The following CAPN1 variants were observed in gnomAD, a reference collection of about 807,000 sequenced individuals.
The protein encoded by CAPN1 is calpain-1 catalytic subunit.
Under a neutral mutation model 105.2 loss-of-function variants are expected in CAPN1, and 77 were observed. The ratio of observed to expected loss-of-function variants is 0.73; its 90% CI spans 0.61 to 0.88. The LOEUF is 0.88. CAPN1 is among the 40% of genes least tolerant of loss of function. CAPN1 has a pLI of 0.00. For missense variants in CAPN1, 833 were observed against 976.6 expected (o/e 0.85, Z 1.96); for synonymous variants, 355 against 388.8 (o/e 0.91, Z 1.02).
At chr11:65,193,501 C>T (rs766890870) in intron 10 of CAPN1, among the ~76,000 whole-genome samples, 8 of 151,240 alleles carry the variant, frequency 5.3e-5, no homozygotes, top group East Asian at 3.9e-4. Flanking sequence ...AAAAATTAGC[C>T]GGGCGTAGTG....
chr11:65,194,264 C>T (rs1015665621), intron 10 of CAPN1, among the ~76,000 whole-genome samples: 2 of 152,070 alleles, frequency 1.3e-5, no homozygotes, highest in African/African-American at 2.4e-5. Context: ...CCACCACGCT[C>T]GGCCTGGATT....
At position 65,209,202 on chromosome 11, in the gene CAPN1, A is replaced by G. The variant is rs1949006644; in HGVS notation, c.1730-121A>G. ...AACAATCCTGCCCACTTCCTCTGCCAGATATTGCACCCACTCGTCAGGATT... is the reference window on the plus strand; with the variant it reads ...AACAATCCTGCCCACTTCCTCTGCCGGATATTGCACCCACTCGTCAGGATT... On this transcript the variant is annotated intron_variant, in intron 16 of 21. Transcript: ENST00000279247. The surrounding 1 kb of genome is among the most constrained non-coding windows in gnomAD (Gnocchi z 4.1). 7.7e-5 allele frequency: 56 copies of G among 722,968 alleles called. No homozygotes were observed. The South Asian group carries it at 8.5e-4, about 11-fold the overall frequency. The allele number at this position is 722,968 out of a possible 1,614,324, so 44.8% of individuals were successfully genotyped here. A position where few individuals can be genotyped will look rare whatever the true frequency, so the allele number is the denominator to read the frequency against.
chr11:65,211,651 T>G lies in CAPN1; in HGVS notation c.*365T>G. 9 of 375,000 alleles carry G rather than the reference T, an allele frequency of 2.4e-5. No homozygotes were observed. The South Asian group carries it at 3.0e-4, about 13-fold the overall frequency. 23.2% of individuals were successfully genotyped at this position (375,000 alleles called of 1,614,324 possible). A position where few individuals can be genotyped will look rare whatever the true frequency, so the allele number is the denominator to read the frequency against. ...CCACTCAGCACCACCGGCCTGGCCT[T>G]GCCTGCAGACTATAAACTATAACCA... On this transcript the variant is annotated 3_prime_UTR_variant, in exon 22 of 22. Transcript: ENST00000279247.
chr11:65,208,428 C>T lies in CAPN1; in HGVS notation c.1729+166C>T. On this transcript the variant is annotated intron_variant, in intron 16 of 21. Transcript: ENST00000279247. This position sits in a 1 kb window ranked among gnomAD's most constrained non-coding sequence, Gnocchi z 4.1. ...CTGCCATTTCCATCCCATACTCCTCCTCCTGACCTGCCATCCTGATAATCC... is the reference window on the plus strand; with the variant it reads ...CTGCCATTTCCATCCCATACTCCTCTTCCTGACCTGCCATCCTGATAATCC... 1.5e-6 allele frequency: 1 copy of T among 680,920 alleles called. No homozygotes were observed. Among genetic ancestry groups the T allele is most frequent in the Non-Finnish European group, 2.6e-6 (1 of 384,990 alleles). 42.2% of individuals were successfully genotyped at this position (680,920 alleles called of 1,614,324 possible).
intron 10 of CAPN1, among the ~76,000 whole-genome samples, chr11:65,189,065 C>T (rs1948683882): frequency 6.6e-6 from 1 of 152,016 alleles, no homozygotes; most frequent in Non-Finnish European, 1.5e-5. Context: ...ACTCTGTTGC[C>T]CAGGCTGGAG....
At chr11:65,195,992 A>G (rs534728376) in intron 10 of CAPN1, among the ~76,000 whole-genome samples, 4 of 151,966 alleles carry the variant, frequency 2.6e-5, no homozygotes, top group South Asian at 2.1e-4. Context: ...CTTTTTGTCT[A>G]TATTATCTAA....
intron 7 of CAPN1, 110 bp downstream of exon 7, chr11:65,187,408 C>G: frequency 1.4e-6 from 1 of 711,106 alleles, no homozygotes; most frequent in Non-Finnish European, 2.5e-6. Flanking sequence ...CCTCCTTTCC[C>G]CTCCTGCAGC....
At chr11:65,206,286 A>G in intron 12 of CAPN1, 177 bp from the exon 13 acceptor site, 1 of 606,966 alleles carries the variant, frequency 1.6e-6, no homozygotes, top group Non-Finnish European at 2.9e-6. Context: ...TACATTTTAC[A>G]GATGAGGAAA....
At chr11:65,187,650 G>GCTGAGGTGGGCAGATCAC in intron 7 of CAPN1, 2 of 451,240 alleles carry the variant, frequency 4.4e-6, no homozygotes, top group Non-Finnish European at 8.2e-6. Context: ...ACTTTGGGAG[G>GCTGAGGTGGGCAGATCAC]CTGAGGTGGG....
chr11:65,183,220 C>G (rs1373599088), intron 3 of CAPN1, 23 bp downstream of exon 3: 2 of 1,610,880 alleles, frequency 1.2e-6, no homozygotes, highest in Non-Finnish European at 1.7e-6. Context: ...GGCGTCGGGT[C>G]CCGGGTATTT....
At chr11:65,198,173 C>G (rs139674174) in intron 10 of CAPN1, among the ~76,000 whole-genome samples, 2,517 of 150,850 alleles carry the variant, frequency 0.017, 74 homozygotes, top group African/African-American at 0.057. Flanking sequence ...CAGGGTCTGG[C>G]TCTGTCACCC....
Position 65,211,470 on chromosome 11 carries a change from T to C in CAPN1, c.*184T>C, listed in dbSNP as rs1590869465. ...TTCATCTGCTCCGGGCAGAACTGTG[T>C]GGCCCCTGCCTGTGCCAGCCATGGG... is the stretch of plus-strand genomic sequence containing the variant. On this transcript the variant is annotated 3_prime_UTR_variant, in exon 22 of 22. Coordinates refer to ENST00000279247, the MANE Select transcript of CAPN1 (RefSeq NM_005186.4). 1 of 642,198 alleles carries C rather than the reference T, an allele frequency of 1.6e-6. No individual in the cohort carries two copies. Among genetic ancestry groups the C allele is most frequent in the Non-Finnish European group, 2.8e-6 (1 of 355,814 alleles). The allele number at this position is 642,198 out of a possible 1,614,324, so 39.8% of individuals were successfully genotyped here. A position where few individuals can be genotyped will look rare whatever the true frequency, so the allele number is the denominator to read the frequency against.
chr11:65,187,089 C>T, intron 6 of CAPN1, 126 bp from the exon 7 acceptor site: 3 of 687,618 alleles, frequency 4.4e-6, no homozygotes, highest in Non-Finnish European at 7.8e-6. Context: ...ATCGGGGTCC[C>T]TGCTTGCTTC....
At chr11:65,211,182 C>A in intron 21 of CAPN1, 78 bp from the exon 22 acceptor site, 1 of 1,530,268 alleles carries the variant, frequency 6.5e-7, no homozygotes, top group South Asian at 1.2e-5. Flanking sequence ...GAGTTGGGGG[C>A]TGGACCTGGG....
At position 65,210,593 on chromosome 11, in the gene CAPN1, TG is replaced by T; in HGVS notation, c.2059+147del. On this transcript the variant is annotated intron_variant, in intron 20 of 21. Transcript: ENST00000279247. The surrounding 1 kb of genome is among the most constrained non-coding windows in gnomAD (Gnocchi z 4.3). ...TGCCAGAGAGGCCTGGGTCTGGGTT[TG>T]GGGGGCCCTGGCTGAGTGCCAGGAG... The T allele has an allele frequency of 2.8e-6, 2 of 711,406 alleles. No individual in the cohort carries two copies. The highest frequency in any genetic ancestry group is 2.7e-5 in the East Asian group (1 of 37,110). The allele number at this position is 711,406 out of a possible 1,614,324, so 44.1% of individuals were successfully genotyped here.
In CAPN1 at chr11:65,206,661, A is replaced by G. The variant is rs1201905381; in HGVS notation, c.1552A>G (p.Ser518Gly). The G allele has an allele frequency of 6.2e-7, 1 of 1,613,270 alleles. No individual in the cohort carries two copies. Among genetic ancestry groups the G allele is most frequent in the Admixed American group, 1.7e-5 (1 of 60,002 alleles). Residue 518 changes from serine to glycine, a missense_variant, in exon 13 of 22, where the codon AGT becomes GGT. Ser to Gly is a moderately conservative substitution (Grantham distance 56). Transcript: ENST00000279247. ...CGTGCTGCGCTTCTTCTCAGAGAAG[A>G]GTGCTGGGACTGTGTGAGTCATGGA... Reference protein sequence around the residue: ...DFVLRFFSEKSAGTVELDDQI... With the variant: ...DFVLRFFSEKGAGTVELDDQI...
chr11:65,195,298 A>G (rs1468568174), intron 10 of CAPN1, among the ~76,000 whole-genome samples: 3 of 151,932 alleles, frequency 2.0e-5, no homozygotes, highest in African/African-American at 7.3e-5. Flanking sequence ...TAGTTTTAGT[A>G]GAGACAGGGT....
At position 65,211,835 on chromosome 11, in the gene CAPN1, G is replaced by T. The variant is rs1490406896; in HGVS notation, c.*549G>T. 6.3e-6 allele frequency: 1 copy of T among 159,476 alleles called. No individual in the cohort carries two copies. The highest frequency in any genetic ancestry group is 1.4e-5 in the Non-Finnish European group (1 of 71,974). 9.9% of individuals were successfully genotyped at this position (159,476 alleles called of 1,614,324 possible). A position where few individuals can be genotyped will look rare whatever the true frequency, so the allele number is the denominator to read the frequency against. ...ACCAGGAGCTGCCCAGCCTGTGGGC[G>T]GTCGGCCTTCCCTCCTTCGCTCCTT... On this transcript the variant is annotated 3_prime_UTR_variant, in exon 22 of 22. Coordinates refer to ENST00000279247, the MANE Select transcript of CAPN1 (RefSeq NM_005186.4).
intron 6 of CAPN1, among the ~76,000 whole-genome samples, 161 bp downstream of exon 6, chr11:65,186,499 C>T (rs900076884): frequency 3.3e-5 from 5 of 152,090 alleles, no homozygotes; most frequent in Admixed American, 2.6e-4. Flanking sequence ...TTCCACCCCC[C>T]ATGCCTGGTG....
Sources: allele counts gnomAD v4.1 joint callset (sites outside exome capture counted in the v4.1 genomes callset), GRCh38; gene constraint gnomAD v4.1.1; non-coding constraint Gnocchi (gnomAD v3.1); transcripts MANE v1.5; gene names NCBI Gene and HGNC (gene_info 2026-07-23, HGNC 2026-07-21).